TTC28: variants seen among roughly 807,000 people sequenced by gnomAD.
TTC28 encodes tetratricopeptide repeat domain 28, also known as tetratricopeptide repeat protein 28.
TTC28 carries 61 observed loss-of-function variants against 198.0 expected under a neutral mutation model. The ratio of observed to expected loss-of-function variants is 0.31; its 90% CI spans 0.25 to 0.38. TTC28 has a LOEUF of 0.38. Ranked by LOEUF, TTC28 falls within the 10% of genes least tolerant of loss-of-function variation. The probability of loss-of-function intolerance (pLI) is 1.00; values close to 1 mark genes in which losing one functional copy is unlikely to be tolerated. For synonymous variants in TTC28, 1,171 were observed against 1,297.8 expected (o/e 0.90, Z 2.10); for missense variants, 2,678 against 3,164.0 (o/e 0.85, Z 3.69).
At chr22:28,448,163 G>A (rs893914364) in intron 2 of TTC28, among the ~76,000 whole-genome samples, 2 of 152,178 alleles carry the variant, frequency 1.3e-5, no homozygotes, top group Admixed American at 6.5e-5. Flanking sequence ...TCCCAGGTCT[G>A]TAGGTATTTT....
intron 22 of TTC28, 122 bp downstream of exon 22, chr22:27,985,127 A>AACAT: frequency 1.4e-6 from 1 of 704,880 alleles, no homozygotes; most frequent in Non-Finnish European, 2.4e-6. Context: ...TTCCCTAACA[A>AACAT]ACATACACAA....
intron 12 of TTC28, among the ~76,000 whole-genome samples, chr22:28,051,860 T>C: frequency 6.6e-6 from 1 of 152,128 alleles, no homozygotes; most frequent in African/African-American, 2.4e-5. Context: ...CGAATTTATA[T>C]GGGGCCTAAG....
intron 2 of TTC28, among the ~76,000 whole-genome samples, chr22:28,429,401 T>C (rs372754993): frequency 3.9e-5 from 6 of 152,200 alleles, no homozygotes; most frequent in East Asian, 3.8e-4. Flanking sequence ...TCAAGGGATA[T>C]AGAAATTCTA....
intron 1 of TTC28, among the ~76,000 whole-genome samples, chr22:28,677,178 AT>A (rs58516419): frequency 2.8e-3 from 163 of 58,992 alleles, no homozygotes; most frequent in African/African-American, 4.2e-3. Context: ...AAAAAAAAAT[AT>A]ATATATATAT....
At chr22:28,434,626 G>C (rs1027736930) in intron 2 of TTC28, among the ~76,000 whole-genome samples, 1 of 152,142 alleles carries the variant, frequency 6.6e-6, no homozygotes, top group Non-Finnish European at 1.5e-5. Context: ...CACTCACTGT[G>C]ACATTTTCTC....
intron 5 of TTC28, among the ~76,000 whole-genome samples, chr22:28,220,635 G>A (rs1363279294): frequency 1.3e-5 from 2 of 152,192 alleles, no homozygotes; most frequent in Non-Finnish European, 2.9e-5. Flanking sequence ...AAGGGAGAGA[G>A]AGACTCCAGC....
At chr22:28,248,846 A>G (rs1930308781) in intron 5 of TTC28, among the ~76,000 whole-genome samples, 1 of 152,164 alleles carries the variant, frequency 6.6e-6, no homozygotes, top group Non-Finnish European at 1.5e-5. Context: ...TAATAAGAAC[A>G]AACTAAAACT....
chr22:28,347,458 T>C (rs527461946), intron 2 of TTC28, among the ~76,000 whole-genome samples: 3 of 152,274 alleles, frequency 2.0e-5, no homozygotes, highest in South Asian at 4.1e-4. Flanking sequence ...GAATGATCTA[T>C]ATATTACTCA....
chr22:28,001,861 G>T, intron 14 of TTC28: 1 of 328,908 alleles, frequency 3.0e-6, no homozygotes, highest in Admixed American at 4.0e-5. Context: ...GGTCTGTACC[G>T]CACAGGCACC....
At chr22:28,147,876 T>C (rs1943505770) in intron 6 of TTC28, among the ~76,000 whole-genome samples, 1 of 152,200 alleles carries the variant, frequency 6.6e-6, no homozygotes, top group Non-Finnish European at 1.5e-5. Flanking sequence ...ATATTCTCAA[T>C]GGAAGCTGTT....
At chr22:27,993,771 TA>T (rs1280992316) in intron 17 of TTC28, among the ~76,000 whole-genome samples, 1 of 152,076 alleles carries the variant, frequency 6.6e-6, no homozygotes, top group African/African-American at 2.4e-5. Flanking sequence ...GTCCCTCCCC[TA>T]AACCAACCCC....
chr22:28,543,785 A>G (rs1345425891), intron 2 of TTC28, among the ~76,000 whole-genome samples: 1 of 152,234 alleles, frequency 6.6e-6, no homozygotes, highest in Admixed American at 6.5e-5. Context: ...AAAGCAGACA[A>G]AGACATAAGA....
intron 10 of TTC28, among the ~76,000 whole-genome samples, chr22:28,096,659 A>G (rs536020343): frequency 6.6e-6 from 1 of 152,222 alleles, no homozygotes; most frequent in African/African-American, 2.4e-5. Flanking sequence ...GCGCCACAAA[A>G]GAGCTGATCC....
intron 5 of TTC28, among the ~76,000 whole-genome samples, chr22:28,199,104 A>G (rs2147147546): frequency 6.6e-6 from 1 of 152,182 alleles, no homozygotes; most frequent in African/African-American, 2.4e-5. Flanking sequence ...TCTAGAAGTA[A>G]TATCTTGTAA....
At position 28,609,698 on chromosome 22, in the gene TTC28, TC is replaced by T. The variant is rs1228541405; in HGVS notation, c.381+19853del. Among the ~76,000 whole-genome samples, 19 of 152,044 alleles carry T rather than the reference TC, an allele frequency of 1.2e-4. No homozygotes were observed. In the East Asian group the frequency reaches 3.7e-3, roughly 29 times the overall value. On this transcript the variant is annotated intron_variant, in intron 2 of 22. Coordinates refer to ENST00000397906, the MANE Select transcript of TTC28 (RefSeq NM_001145418.2). ...GCAGGAGTTTGTTTGTTTTTTTTTT[TC>T]CATATCCCAGTGGCGCCTGGAATGC...
chr22:28,159,004 G>A (rs549101299), intron 6 of TTC28, among the ~76,000 whole-genome samples: 6 of 152,156 alleles, frequency 3.9e-5, no homozygotes, highest in East Asian at 1.9e-4. Flanking sequence ...AAATATTTGC[G>A]AACTACCCAT....
At chr22:28,309,500 C>T (rs2045211180) in intron 2 of TTC28, among the ~76,000 whole-genome samples, 1 of 152,222 alleles carries the variant, frequency 6.6e-6, no homozygotes, top group East Asian at 1.9e-4. Context: ...TTGAGATTCA[C>T]AGCTGTTTAT....
intron 2 of TTC28, among the ~76,000 whole-genome samples, chr22:28,431,281 T>C (rs2047425649): frequency 6.6e-6 from 1 of 152,182 alleles, no homozygotes; most frequent in South Asian, 2.1e-4. Flanking sequence ...TCACTTATGA[T>C]AAATTTGATT....
At chr22:28,103,426 T>C (rs1277675844) in intron 8 of TTC28, among the ~76,000 whole-genome samples, 1 of 152,186 alleles carries the variant, frequency 6.6e-6, no homozygotes, top group African/African-American at 2.4e-5. Flanking sequence ...AGCAGGGTGA[T>C]GCTGATCTAC....
Sources: gnomAD v4.1 joint callset for allele counts (sites outside exome capture counted in the v4.1 genomes callset) on GRCh38, gnomAD v4.1.1 for gene constraint, MANE v1.5 for transcripts, NCBI Gene and HGNC (gene_info 2026-07-23, HGNC 2026-07-21) for gene names.